Variants in TRHDE observed in about 807,000 individuals in gnomAD.
TRHDE encodes thyrotropin releasing hormone degrading enzyme.
TRHDE carries 72 observed loss-of-function variants against 125.7 expected under a neutral mutation model. That is an observed-to-expected ratio of 0.57 (90% confidence interval 0.47 to 0.70). The LOEUF is 0.70. TRHDE is among the 30% of genes least tolerant of loss of function. The probability of loss-of-function intolerance (pLI) is 0.00; values close to 1 mark genes in which losing one functional copy is unlikely to be tolerated. For synonymous variants in TRHDE, 509 were observed against 509.1 expected (o/e 1.00, Z 0.00); for missense variants, 1,110 against 1,327.1 (o/e 0.84, Z 2.54).
chr12:72,661,174 G>C (rs1487613090), intron 18 of TRHDE, among the ~76,000 whole-genome samples: 1 of 152,118 alleles, frequency 6.6e-6, no homozygotes, highest in Non-Finnish European at 1.5e-5. Flanking sequence ...ATTTTCTGTT[G>C]AGAGTTCTTT....
At chr12:72,099,493 T>C (rs1875017145) in intron 1 of TRHDE, among the ~76,000 whole-genome samples, 1 of 152,208 alleles carries the variant, frequency 6.6e-6, no homozygotes, top group Non-Finnish European at 1.5e-5. Flanking sequence ...CTATGTATAG[T>C]TTGAATTTTT....
chr12:72,120,491 A>AT (rs1353588412), intron 2 of TRHDE, among the ~76,000 whole-genome samples: 3 of 150,314 alleles, frequency 2.0e-5, no homozygotes, highest in Non-Finnish European at 4.4e-5. Context: ...CTTGCTTTCT[A>AT]TTTTTTGTTA....
At chr12:72,097,440 A>T (rs1445059504) in intron 1 of TRHDE, among the ~76,000 whole-genome samples, 1 of 21,638 alleles carries the variant, frequency 4.6e-5, no homozygotes. Flanking sequence ...TTCTCACTGA[A>T]TTTTTTTTTT....
chr12:72,410,020 C>A (rs1406993214), intron 3 of TRHDE, among the ~76,000 whole-genome samples: 1 of 151,678 alleles, frequency 6.6e-6, no homozygotes, highest in East Asian at 1.9e-4. Context: ...ATAAAATTTA[C>A]AAATATCTGT....
intron 2 of TRHDE, among the ~76,000 whole-genome samples, chr12:72,112,217 G>A (rs1321069582): frequency 6.6e-6 from 1 of 152,102 alleles, no homozygotes; most frequent in African/African-American, 2.4e-5. Flanking sequence ...TCCTGATGCT[G>A]TACTAGGGCA....
At chr12:72,212,864 C>T (rs145038962) in intron 2 of TRHDE, among the ~76,000 whole-genome samples, 2 of 152,212 alleles carry the variant, frequency 1.3e-5, no homozygotes, top group East Asian at 3.9e-4. Context: ...CATGTATCCA[C>T]ACAAGAACTT....
At chr12:72,596,235 ATGGATAGAGGAGT>A (rs1565804110) in intron 12 of TRHDE, among the ~76,000 whole-genome samples, 1 of 152,162 alleles carries the variant, frequency 6.6e-6, no homozygotes, top group African/African-American at 2.4e-5. Flanking sequence ...GTTTTGATAA[ATGGATAGAGGAGT>A]TGCAAACATC....
chr12:72,277,106 T>A (rs1476293922), intron 1 of TRHDE, among the ~76,000 whole-genome samples: 4 of 152,188 alleles, frequency 2.6e-5, no homozygotes, highest in Non-Finnish European at 4.4e-5. Flanking sequence ...TAATAGGGTC[T>A]ATAACATGCC....
intron 2 of TRHDE, among the ~76,000 whole-genome samples, chr12:72,358,358 T>G (rs1220161396): frequency 1.3e-5 from 2 of 151,644 alleles, no homozygotes; most frequent in African/African-American, 4.8e-5. Flanking sequence ...TTTATGATGA[T>G]CCACTGCCAC....
At chr12:72,315,381 G>A (rs1868748925) in intron 2 of TRHDE, among the ~76,000 whole-genome samples, 1 of 147,784 alleles carries the variant, frequency 6.8e-6, no homozygotes, top group African/African-American at 2.5e-5. Context: ...GGAACAAGTA[G>A]TTTAGATTTT....
intron 2 of TRHDE, among the ~76,000 whole-genome samples, chr12:72,351,063 G>C (rs911821363): frequency 3.2e-4 from 48 of 152,092 alleles, no homozygotes; most frequent in African/African-American, 1.1e-3. Context: ...ACACACGGGA[G>C]AGCTGGAGAA....
At chr12:72,267,849 C>T (rs1479655730), upstream of TRHDE, among the ~76,000 whole-genome samples, 2 of 151,922 alleles carry the variant, frequency 1.3e-5, no homozygotes, top group Admixed American at 6.6e-5. Flanking sequence ...CTACAGAAAT[C>T]GTGAAATTTC....
chr12:72,199,093 C>A (rs1877502944), intron 2 of TRHDE, among the ~76,000 whole-genome samples: 1 of 152,160 alleles, frequency 6.6e-6, no homozygotes, highest in South Asian at 2.1e-4. Context: ...AGGTCCCTCT[C>A]CCAACATGGG....
intron 2 of TRHDE, among the ~76,000 whole-genome samples, chr12:72,314,643 T>C (rs920268143): frequency 2.6e-5 from 4 of 152,186 alleles, no homozygotes; most frequent in Admixed American, 2.6e-4. Context: ...TTTGTAGTTA[T>C]GTGGAGTGCC....
chr12:72,476,725 A>G (rs189104750), intron 5 of TRHDE, among the ~76,000 whole-genome samples: 1 of 152,318 alleles, frequency 6.6e-6, no homozygotes, highest in African/African-American at 2.4e-5. Flanking sequence ...CTAGAGAGAT[A>G]CTATGGCAAT....
chr12:72,138,954 C>T (rs545298967), intron 2 of TRHDE, among the ~76,000 whole-genome samples: 42 of 152,298 alleles, frequency 2.8e-4, no homozygotes, highest in Non-Finnish European at 4.7e-4. Flanking sequence ...GTGGTTGAAA[C>T]TCATTTCTGC....
intron 2 of TRHDE, among the ~76,000 whole-genome samples, chr12:72,183,700 CTAAGTT>C (rs1461520383): frequency 6.6e-6 from 1 of 152,066 alleles, no homozygotes; most frequent in Non-Finnish European, 1.5e-5. Context: ...GGAGTCTAGT[CTAAGTT>C]TTAGTTTAGA....
intron 7 of TRHDE, among the ~76,000 whole-genome samples, chr12:72,558,895 C>T (rs1276531143): frequency 6.6e-6 from 1 of 152,028 alleles, no homozygotes; most frequent in African/African-American, 2.4e-5. Flanking sequence ...GCTAATAGGA[C>T]TCAGTTATCT....
intron 3 of TRHDE, among the ~76,000 whole-genome samples, chr12:72,392,819 A>G (rs1353555367): frequency 6.6e-6 from 1 of 152,314 alleles, no homozygotes; most frequent in South Asian, 2.1e-4. Flanking sequence ...ATTTTTGTAC[A>G]TGCTTGAGAA....
Sources: gnomAD v4.1 joint callset for allele counts (sites outside exome capture counted in the v4.1 genomes callset) on GRCh38, gnomAD v4.1.1 for gene constraint, MANE v1.5 for transcripts, NCBI Gene and HGNC (gene_info 2026-07-23, HGNC 2026-07-21) for gene names.